PTPRD: variants seen among roughly 807,000 people sequenced by gnomAD.
The protein encoded by PTPRD is protein tyrosine phosphatase receptor type D, also known as receptor-type tyrosine-protein phosphatase delta.
PTPRD carries 34 observed loss-of-function variants against 214.5 expected under a neutral mutation model. That is an observed-to-expected ratio of 0.16 (90% CI 0.12 to 0.21). PTPRD has a LOEUF of 0.21. PTPRD is among the 10% of genes least tolerant of loss of function. The pLI is 1.00. For synonymous variants in PTPRD, 1,128 were observed against 845.7 expected (o/e 1.33, Z -5.79); for missense variants, 2,545 against 2,398.7 (o/e 1.06, Z -1.27).
intron 14 of PTPRD, among the ~76,000 whole-genome samples, chr9:8,536,891 A>G (rs1292115765): frequency 6.6e-6 from 1 of 152,030 alleles, no homozygotes; most frequent in Non-Finnish European, 1.5e-5. Flanking sequence ...GAGGATTATC[A>G]TAGTGTATTT....
chr9:9,157,610 T>A, intron 10 of PTPRD, among the ~76,000 whole-genome samples: 1 of 151,976 alleles, frequency 6.6e-6, no homozygotes, highest in South Asian at 2.1e-4. Flanking sequence ...AGGAAGGAGA[T>A]TGAATCAATA....
intron 5 of PTPRD, among the ~76,000 whole-genome samples, chr9:9,855,396 C>T (rs1392105272): frequency 5.3e-5 from 8 of 152,106 alleles, no homozygotes; most frequent in Admixed American, 3.3e-4. Context: ...AGCAGAGGCT[C>T]TCTCTACTTT....
intron 2 of PTPRD, among the ~76,000 whole-genome samples, chr9:10,456,344 T>A (rs2098917080): frequency 6.6e-6 from 1 of 151,952 alleles, no homozygotes. Flanking sequence ...AACCTCTGCA[T>A]AACGTGTATT....
intron 2 of PTPRD, among the ~76,000 whole-genome samples, chr9:10,534,116 C>T (rs920723542): frequency 6.6e-6 from 1 of 151,090 alleles, no homozygotes; most frequent in Non-Finnish European, 1.5e-5. Flanking sequence ...TAAGGGAAAC[C>T]CTTACTATCA....
At chr9:10,145,772 G>A (rs1374555765) in intron 3 of PTPRD, among the ~76,000 whole-genome samples, 1 of 151,950 alleles carries the variant, frequency 6.6e-6, no homozygotes, top group African/African-American at 2.4e-5. Flanking sequence ...ATGTATAACA[G>A]AAAAAATTCA....
chr9:10,095,302 T>C (rs1187199625), intron 3 of PTPRD, among the ~76,000 whole-genome samples: 1 of 151,500 alleles, frequency 6.6e-6, no homozygotes, highest in Non-Finnish European at 1.5e-5. Context: ...AGATGGAGCA[T>C]AATATAGACT....
At chr9:8,770,354 A>AC (rs1555307923) in intron 11 of PTPRD, among the ~76,000 whole-genome samples, 2 of 152,034 alleles carry the variant, frequency 1.3e-5, no homozygotes, top group African/African-American at 4.8e-5. Flanking sequence ...AAAAAAAAAA[A>AC]CACGATCCAC....
intron 19 of PTPRD, among the ~76,000 whole-genome samples, chr9:8,522,026 T>A (rs186930037): frequency 6.6e-6 from 1 of 152,192 alleles, no homozygotes; most frequent in African/African-American, 2.4e-5. Context: ...CACTGTCACA[T>A]CCCAGCCCTG....
chr9:9,791,759 G>T (rs776374681), intron 5 of PTPRD, among the ~76,000 whole-genome samples: 1 of 151,932 alleles, frequency 6.6e-6, no homozygotes, highest in Non-Finnish European at 1.5e-5. Flanking sequence ...TTTTTGATTG[G>T]AAATAGTATA....
chr9:9,090,682 T>C (rs535595613), intron 10 of PTPRD, among the ~76,000 whole-genome samples: 1 of 152,300 alleles, frequency 6.6e-6, no homozygotes, highest in South Asian at 2.1e-4. Context: ...AAAAAACATT[T>C]TCATCTTCCT....
chr9:8,494,351 T>G (rs1177042931), intron 26 of PTPRD, among the ~76,000 whole-genome samples: 1 of 152,148 alleles, frequency 6.6e-6, no homozygotes, highest in Non-Finnish European at 1.5e-5. Flanking sequence ...CACTGGAAAT[T>G]TTATTCTGCC....
chr9:9,229,364 G>A (rs1350933677), intron 9 of PTPRD, among the ~76,000 whole-genome samples: 2 of 152,046 alleles, frequency 1.3e-5, no homozygotes, highest in East Asian at 1.9e-4. Flanking sequence ...AGACAGATAG[G>A]AAGACCATGT....
chr9:9,010,164 T>C (rs2099503030), intron 11 of PTPRD, among the ~76,000 whole-genome samples: 1 of 152,186 alleles, frequency 6.6e-6, no homozygotes, highest in Non-Finnish European at 1.5e-5. Context: ...ACAAATTCAG[T>C]AGATGGTTGA....
intron 3 of PTPRD, among the ~76,000 whole-genome samples, chr9:10,300,751 G>C (rs937398406): frequency 6.6e-6 from 1 of 152,102 alleles, no homozygotes; most frequent in Non-Finnish European, 1.5e-5. Context: ...CTGAAAAAAA[G>C]GCAGCAGCCC....
At chr9:8,522,018 C>A (rs1012236822) in intron 19 of PTPRD, among the ~76,000 whole-genome samples, 1 of 152,202 alleles carries the variant, frequency 6.6e-6, no homozygotes, top group Non-Finnish European at 1.5e-5. Context: ...TGGGACCACA[C>A]TGTCACATCC....
At chr9:8,909,295 A>T (rs990148980) in intron 11 of PTPRD, among the ~76,000 whole-genome samples, 4 of 152,148 alleles carry the variant, frequency 2.6e-5, no homozygotes, top group Non-Finnish European at 4.4e-5. Flanking sequence ...AACCAAACAA[A>T]GACATCACAT....
chr9:10,064,112 C>T (rs147989562), intron 3 of PTPRD, among the ~76,000 whole-genome samples: 2,117 of 151,768 alleles, frequency 0.014, 26 homozygotes, highest in Non-Finnish European at 0.021. Flanking sequence ...CAATGTGTAA[C>T]TTAAAAGACA....
chr9:9,305,044 G>C (rs1569567214), intron 9 of PTPRD, among the ~76,000 whole-genome samples: 1 of 149,868 alleles, frequency 6.7e-6, no homozygotes, highest in Non-Finnish European at 1.5e-5. Flanking sequence ...ACGCCCACCT[G>C]TTAGAGTCCC....
intron 8 of PTPRD, among the ~76,000 whole-genome samples, chr9:9,566,078 T>G (rs1281738844): frequency 6.9e-6 from 1 of 145,718 alleles, no homozygotes; most frequent in Non-Finnish European, 1.5e-5. Context: ...TGCTTTTTTA[T>G]TCCTGCACAT....
Sources: gnomAD v4.1 joint callset for allele counts (sites outside exome capture counted in the v4.1 genomes callset) on GRCh38, gnomAD v4.1.1 for gene constraint, MANE v1.5 for transcripts, NCBI Gene and HGNC (gene_info 2026-07-23, HGNC 2026-07-21) for gene names.